GRID1: variants seen among roughly 807,000 people sequenced by gnomAD.
GRID1 encodes glutamate receptor ionotropic, delta-1.
A neutral mutation model predicts 98.0 loss-of-function variants in GRID1; 28 were observed. That is an observed-to-expected ratio of 0.29 (90% CI 0.21 to 0.39). The LOEUF is 0.39. GRID1 is among the 10% of genes least tolerant of loss of function. The pLI is 1.00. For synonymous variants in GRID1, 553 were observed against 538.5 expected (o/e 1.03, Z -0.37); for missense variants, 1,111 against 1,340.5 (o/e 0.83, Z 2.67).
intron 8 of GRID1, among the ~76,000 whole-genome samples, chr10:85,780,172 G>C (rs139203661): frequency 2.0e-5 from 3 of 152,296 alleles, no homozygotes; most frequent in African/African-American, 7.2e-5. Context: ...CCCAGCCCTA[G>C]AGCATCAGAG....
At chr10:86,198,520 C>G (rs1039372575) in intron 3 of GRID1, among the ~76,000 whole-genome samples, 1 of 152,224 alleles carries the variant, frequency 6.6e-6, no homozygotes, top group East Asian at 1.9e-4. Context: ...TTACCACGCG[C>G]CAGGTACTGA....
At chr10:85,864,139 G>C (rs1244949164) in intron 6 of GRID1, among the ~76,000 whole-genome samples, 3 of 152,208 alleles carry the variant, frequency 2.0e-5, no homozygotes, top group African/African-American at 7.2e-5. Flanking sequence ...CAAATCCTCA[G>C]ACAGGTTGTG....
At chr10:85,797,930 T>C (rs566557419) in intron 8 of GRID1, among the ~76,000 whole-genome samples, 1 of 152,354 alleles carries the variant, frequency 6.6e-6, no homozygotes, top group Admixed American at 6.5e-5. Flanking sequence ...TATAGTTGCA[T>C]AGCATTCCAT....
chr10:86,108,463 G>T (rs1043982778), intron 4 of GRID1, among the ~76,000 whole-genome samples: 2 of 152,138 alleles, frequency 1.3e-5, no homozygotes, highest in African/African-American at 4.8e-5. Flanking sequence ...TTTCTCCTCT[G>T]GGACTGGAAA....
intron 4 of GRID1, among the ~76,000 whole-genome samples, chr10:86,137,524 C>T (rs1028492572): frequency 3.9e-5 from 6 of 152,178 alleles, no homozygotes; most frequent in Non-Finnish European, 7.3e-5. Flanking sequence ...ATACCATCAC[C>T]AGTACAGAAT....
Position 86,057,723 on chromosome 10 carries a change from G to A in GRID1, c.726+81096C>T, listed in dbSNP as rs543182115. On this transcript the variant is annotated intron_variant, in intron 4 of 15. Transcript: ENST00000327946. ...AAGTCTTCCCTGACCCTCCAGTTTC[G>A]GGCCATTTCCTCAGTTACTCCCTCT... Among the ~76,000 whole-genome samples the A allele has an allele frequency of 7.9e-5, 12 of 152,098 alleles. No homozygotes were observed. In the South Asian group the frequency reaches 1.2e-3, roughly 16 times the overall value.
chr10:85,958,134 T>C (rs1259627434), intron 4 of GRID1, among the ~76,000 whole-genome samples: 2 of 152,232 alleles, frequency 1.3e-5, no homozygotes, highest in African/African-American at 2.4e-5. Context: ...CAGGTCAACC[T>C]GGGCCTCTCC....
chr10:86,354,733 G>T (rs1427170919), intron 2 of GRID1, among the ~76,000 whole-genome samples: 1 of 152,240 alleles, frequency 6.6e-6, no homozygotes, highest in South Asian at 2.1e-4. Flanking sequence ...GGGAGGCAGG[G>T]GCAGGCCAGT....
chr10:85,964,254 T>C (rs532719032), intron 4 of GRID1, among the ~76,000 whole-genome samples: 7 of 152,198 alleles, frequency 4.6e-5, no homozygotes, highest in African/African-American at 7.2e-5. Flanking sequence ...CAAGCTACCA[T>C]TGACTTTCTT....
intron 4 of GRID1, among the ~76,000 whole-genome samples, chr10:86,130,357 C>T (rs757824524): frequency 6.6e-5 from 10 of 152,220 alleles, no homozygotes; most frequent in Non-Finnish European, 1.2e-4. Flanking sequence ...AAAGGCTCCA[C>T]CCTCAAGCCT....
chr10:85,889,901 T>G (rs1397063483), intron 5 of GRID1, among the ~76,000 whole-genome samples: 1 of 152,174 alleles, frequency 6.6e-6, no homozygotes, highest in Non-Finnish European at 1.5e-5. Context: ...GTCATCTCAT[T>G]GTGTTCTCTT....
At position 86,039,960 on chromosome 10, in the gene GRID1, A is replaced by G. The variant is rs573901576; in HGVS notation, c.726+98859T>C. Among the ~76,000 whole-genome samples, 8 of 151,788 alleles carry G rather than the reference A, an allele frequency of 5.3e-5. No individual in the cohort carries two copies. In the South Asian group the frequency reaches 1.7e-3, roughly 32 times the overall value. On this transcript the variant is annotated intron_variant, in intron 4 of 15. Coordinates refer to ENST00000327946, the MANE Select transcript of GRID1 (RefSeq NM_017551.3). ...AGTGGTAATTATCTGTCAACTTGTCACTCTCCCCCTGTGGATCAGAAGCCC... is the reference window on the plus strand; with the variant it reads ...AGTGGTAATTATCTGTCAACTTGTCGCTCTCCCCCTGTGGATCAGAAGCCC...
rs554749487 is a variant in GRID1 at position 86,236,311 on chromosome 10, C to A, written c.236-29663G>T. 2.2e-4 allele frequency among the ~76,000 whole-genome samples: 34 copies of A among 152,284 alleles called. No individual in the cohort carries two copies. The East Asian group carries it at 3.3e-3, about 15-fold the overall frequency. The stretch of plus-strand genomic sequence containing the variant: ...TTCATTATAAAATATGTGATTTGCA[C>A]GTTTTTTCTCTTAGGCAATATTTCA... On this transcript the variant is annotated intron_variant, in intron 2 of 15. Transcript: ENST00000327946.
At chr10:85,728,081 A>G in intron 9 of GRID1, 29 bp from the exon 10 acceptor site, 1 of 1,405,052 alleles carries the variant, frequency 7.1e-7, no homozygotes, top group African/African-American at 1.4e-5. Flanking sequence ...AGGTTCTCCA[A>G]TTAAATAACA....
chr10:85,728,416 C>T (rs1841786523), intron 9 of GRID1, among the ~76,000 whole-genome samples: 2 of 152,140 alleles, frequency 1.3e-5, no homozygotes, highest in African/African-American at 4.8e-5. Flanking sequence ...TTATATGAGG[C>T]CCACATAAGA....
intron 12 of GRID1, among the ~76,000 whole-genome samples, chr10:85,721,580 T>C (rs976553327): frequency 1.3e-5 from 2 of 152,214 alleles, no homozygotes; most frequent in Non-Finnish European, 2.9e-5. Context: ...AGGAATTATG[T>C]TGAGTAAAAA....
intron 5 of GRID1, among the ~76,000 whole-genome samples, chr10:85,891,867 C>T (rs1165368930): frequency 6.6e-6 from 1 of 151,962 alleles, no homozygotes; most frequent in Non-Finnish European, 1.5e-5. Flanking sequence ...AAATACAATC[C>T]ATAATGAGGA....
At chr10:85,776,666 G>T (rs922438913) in intron 8 of GRID1, among the ~76,000 whole-genome samples, 1 of 152,352 alleles carries the variant, frequency 6.6e-6, no homozygotes. Flanking sequence ...AACTCAGATT[G>T]TCAAGCCTCT....
chr10:85,991,925 T>C (rs1005545229), intron 4 of GRID1, among the ~76,000 whole-genome samples: 4 of 152,128 alleles, frequency 2.6e-5, no homozygotes, highest in African/African-American at 9.7e-5. Context: ...AGAGCAGCAA[T>C]GCAGGAGTGG....
Sources: gnomAD v4.1 joint callset for allele counts (sites outside exome capture counted in the v4.1 genomes callset) on GRCh38, gnomAD v4.1.1 for gene constraint, MANE v1.5 for transcripts, NCBI Gene and HGNC (gene_info 2026-07-23, HGNC 2026-07-21) for gene names.